The following KLHL41 variants were observed in gnomAD, a reference collection of about 807,000 sequenced individuals.
KLHL41 encodes kelch-like protein 41.
In KLHL41, 31 loss-of-function variants were observed where a neutral mutation model predicts 49.2. The observed-to-expected ratio is 0.63, with a 90% CI of 0.47 to 0.85. KLHL41 has a LOEUF of 0.85. KLHL41 is among the 40% of genes least tolerant of loss of function. The pLI, the probability that KLHL41 is intolerant of heterozygous loss-of-function variation, is 0.00. For synonymous variants in KLHL41, 218 were observed against 258.5 expected, an observed-to-expected ratio of 0.84 and a Z score of 1.50; for missense variants, 663 against 726.7, an observed-to-expected ratio of 0.91 and a Z score of 1.01.
chr2:169,510,860 A>T lies in KLHL41; in HGVS notation c.1082A>T (p.Asp361Val), dbSNP rs776170658. The change falls in exon 1 of 6, where the codon GAT (aspartate) becomes GTT (valine). Residue 361 changes from aspartate (D) to valine (V), a missense_variant. Physicochemically the swap from Asp to Val is radical, Grantham distance 152. This residue lies in a region of KLHL41 where 528 missense variants were observed against 581.0 expected (regional missense o/e 0.91). Coordinates refer to ENST00000284669, the MANE Select transcript of KLHL41 (RefSeq NM_006063.3). This position sits in a 1 kb window ranked among gnomAD's most constrained non-coding sequence, Gnocchi z 4.2. ...CTATATGTGGATGAAGAAAATAAGGATCAACCTCTACAGTCATACTTCTTC... is the reference window on the plus strand; with the variant it reads ...CTATATGTGGATGAAGAAAATAAGGTTCAACCTCTACAGTCATACTTCTTC... The part of the protein sequence containing the change: ...GGLYVDEENK[D>V]QPLQSYFFQL... 7 of 1,613,926 alleles carry T rather than the reference A, an allele frequency of 4.3e-6. No individual in the cohort carries two copies. Among genetic ancestry groups the T allele is most frequent in the Non-Finnish European group, 5.9e-6 (7 of 1,179,894 alleles).
chr2:169,522,329 G>T (rs1479855177), intron 5 of KLHL41, among the ~76,000 whole-genome samples: 1 of 151,898 alleles, frequency 6.6e-6, no homozygotes, highest in Non-Finnish European at 1.5e-5. Context: ...CTGTGTAGAG[G>T]GCAAGAAAAA....
In KLHL41 at chr2:169,509,709, C is replaced by A; in HGVS notation, c.-70C>A. 1 of 1,476,142 alleles carries A rather than the reference C, an allele frequency of 6.8e-7. No individual in the cohort carries two copies. The highest frequency in any genetic ancestry group is 9.1e-7 in the Non-Finnish European group (1 of 1,103,344). The allele number at this position is 1,476,142 out of a possible 1,614,324, so 91.4% of individuals were successfully genotyped here. ...CAAAGCACACTGATCTGCCTTTTTA[C>A]AGCTAGACCTGTGTGCTGCAAGGAG... On this transcript the variant is annotated 5_prime_UTR_variant, in exon 1 of 6. Transcript: ENST00000284669.
intron 3 of KLHL41, among the ~76,000 whole-genome samples, chr2:169,517,881 ATTT>A (rs1023387310): frequency 2.6e-5 from 4 of 152,160 alleles, no homozygotes; most frequent in Admixed American, 6.6e-5. Flanking sequence ...TTATGATTTT[ATTT>A]TTTACTCAAA....
At chr2:169,523,991 C>A (rs908378679) in intron 5 of KLHL41, among the ~76,000 whole-genome samples, 1 of 151,962 alleles carries the variant, frequency 6.6e-6, no homozygotes, top group Non-Finnish European at 1.5e-5. Context: ...ACATTCTCAA[C>A]ATAGACCCTC....
chr2:169,520,711 C>G (rs946782251), intron 4 of KLHL41, 150 bp from the exon 5 acceptor site: 1 of 604,882 alleles, frequency 1.7e-6, no homozygotes, highest in Middle Eastern at 4.4e-4. Flanking sequence ...TCTCAGCCTC[C>G]CAAAGTGCTG....
intron 1 of KLHL41, 151 bp from the exon 2 acceptor site, chr2:169,514,423 A>G (rs545688388): frequency 1.8e-6 from 1 of 556,298 alleles, no homozygotes; most frequent in African/African-American, 1.9e-5. Context: ...ATGAGCTACA[A>G]TGTGATACTT....
Position 169,526,167 on chromosome 2 carries a change from T to G in KLHL41, c.*471T>G, listed in dbSNP as rs1376628416. On this transcript the variant is annotated 3_prime_UTR_variant, in exon 6 of 6. Coordinates refer to ENST00000284669, the MANE Select transcript of KLHL41 (RefSeq NM_006063.3). ...TAAGAATTACATGCCATAAGATGAC[T>G]TCAGAAATCCTACTTCAGAAGTGTA... 1 of 152,266 alleles carries G rather than the reference T, an allele frequency of 6.6e-6. No individual in the cohort carries two copies. The highest frequency in any genetic ancestry group is 1.5e-5 in the Non-Finnish European group (1 of 68,072). 9.4% of individuals were successfully genotyped at this position (152,266 alleles called of 1,614,324 possible). A position where few individuals can be genotyped will look rare whatever the true frequency, so the allele number is the denominator to read the frequency against.
intron 1 of KLHL41, among the ~76,000 whole-genome samples, chr2:169,511,460 T>C (rs1045075048): frequency 6.6e-6 from 1 of 152,204 alleles, no homozygotes; most frequent in African/African-American, 2.4e-5. Flanking sequence ...GAAGTAATAA[T>C]TGGTCAGATT....
Position 169,514,722 on chromosome 2 carries a change from A to G in KLHL41, c.1259A>G (p.Tyr420Cys). The G allele has an allele frequency of 1.9e-6, 3 of 1,614,026 alleles. No individual in the cohort carries two copies. Among genetic ancestry groups the G allele is most frequent in the Non-Finnish European group, 2.5e-6 (3 of 1,179,968 alleles). Residue 420 changes from tyrosine (Y) to cysteine (C), a missense_variant, in exon 2 of 6, where the codon TAT becomes TGT. Tyr to Cys is a radical substitution (Grantham distance 194). This residue lies in a region of KLHL41 where 528 missense variants were observed against 581.0 expected (regional missense o/e 0.91). Transcript: ENST00000284669. Reference protein sequence around the residue: ...TEASLDSVLCYDPVAAKWNEV... With the variant: ...TEASLDSVLCCDPVAAKWNEV... ...GCTTCGCTGGATTCAGTATTATGCTATGATCCTGTGTAAGTTGGCATGATA... is the reference window on the plus strand; with the variant it reads ...GCTTCGCTGGATTCAGTATTATGCTGTGATCCTGTGTAAGTTGGCATGATA...
At chr2:169,523,015 G>A (rs1035263456) in intron 5 of KLHL41, among the ~76,000 whole-genome samples, 1 of 151,922 alleles carries the variant, frequency 6.6e-6, no homozygotes, top group Non-Finnish European at 1.5e-5. Context: ...CAGCCACCGA[G>A]CCCAGCCCCA....
At chr2:169,518,836 ATTTTTGTTTTTG>A (rs1199357911) in intron 4 of KLHL41, among the ~76,000 whole-genome samples, 5 of 151,908 alleles carry the variant, frequency 3.3e-5, no homozygotes, top group Admixed American at 1.3e-4. Flanking sequence ...TGCCCAGCTA[ATTTTTGTTTTTG>A]TTTTTGTTTT....
In KLHL41 at chr2:169,510,358, GA is replaced by G. The variant is rs1384837639; in HGVS notation, c.582del (p.Ala195GlnfsTer6). 6.2e-7 allele frequency: 1 copy of G among 1,614,140 alleles called. No individual in the cohort carries two copies. The highest frequency in any genetic ancestry group is 2.2e-5 in the East Asian group (1 of 44,888). ...TGACAGCCTAAATGTAGAAAAAGAA[GA>G]AGCAGTATTTGAGGCAGTGATGAAA... ...SNDSLNVEKE[E>X]AVFEAVMKWV... On this transcript the variant is annotated frameshift_variant, in exon 1 of 6. Coordinates refer to ENST00000284669, the MANE Select transcript of KLHL41 (RefSeq NM_006063.3). LOFTEE classifies it high-confidence loss of function. The surrounding 1 kb of genome is among the most constrained non-coding windows in gnomAD (Gnocchi z 4.2).
chr2:169,512,669 C>G (rs920436778), intron 1 of KLHL41, among the ~76,000 whole-genome samples: 1 of 152,102 alleles, frequency 6.6e-6, no homozygotes, highest in African/African-American at 2.4e-5. Flanking sequence ...GTCAGCAAAG[C>G]AAATGCCTTG....
chr2:169,525,833 T>A lies in KLHL41; in HGVS notation c.*137T>A. The stretch of plus-strand genomic sequence containing the variant: ...AAGTTATTGTCTAAGAGATGAGCAG[T>A]AGGTAAGAAAACCTCAGTCATTGAC... On this transcript the variant is annotated 3_prime_UTR_variant, in exon 6 of 6. Transcript: ENST00000284669. 1 of 517,778 alleles carries A rather than the reference T, an allele frequency of 1.9e-6. No homozygotes were observed. The highest frequency in any genetic ancestry group is 3.4e-6 in the Non-Finnish European group (1 of 292,556). 32.1% of individuals were successfully genotyped at this position (517,778 alleles called of 1,614,324 possible).
In KLHL41 at chr2:169,510,908, T is replaced by C. The variant is rs777968201; in HGVS notation, c.1110+20T>C. ...TTCCAGGTAAGAAGGACTTTTTGTA[T>C]ATGTAGTTGCTTAAAGGGAAGGCTG... On this transcript the variant is annotated intron_variant, in intron 1 of 5. Coordinates refer to ENST00000284669, the MANE Select transcript of KLHL41 (RefSeq NM_006063.3). The surrounding 1 kb of genome is among the most constrained non-coding windows in gnomAD (Gnocchi z 4.2). 1.3e-5 allele frequency: 20 copies of C among 1,596,444 alleles called. No homozygotes were observed. The Admixed American group carries it at 3.4e-4, about 27-fold the overall frequency.
rs1339294290 is a variant in KLHL41, at chr2:169,510,002, T to C, written c.224T>C (p.Val75Ala). 1 of 1,614,218 alleles carries C rather than the reference T, an allele frequency of 6.2e-7. No homozygotes were observed. The change falls in exon 1 of 6, where the codon GTG (valine) becomes GCG (alanine). Residue 75 changes from valine to alanine, a missense_variant. Physicochemically the swap from Val to Ala is moderately conservative, Grantham distance 64. Transcript: ENST00000284669. This position sits in a 1 kb window ranked among gnomAD's most constrained non-coding sequence, Gnocchi z 4.2. ...EIDEAKKKEV[V>A]LDNVDPAILD... is the part of the protein sequence containing the mutation. The stretch of plus-strand genomic sequence containing the variant: ...GATGAGGCGAAAAAAAAGGAGGTAG[T>C]GCTAGACAATGTGGATCCTGCTATA...
intron 1 of KLHL41, among the ~76,000 whole-genome samples, chr2:169,512,148 T>C (rs1684037344): frequency 6.6e-6 from 1 of 152,220 alleles, no homozygotes; most frequent in Non-Finnish European, 1.5e-5. Context: ...TAATCAACTT[T>C]TTCTAATCTT....
Position 169,514,952 on chromosome 2 carries a change from C to T in KLHL41, c.1367C>T (p.Thr456Ile). ...KGMIYCLGGKTDDKKCTNRVF... is the reference protein window; with the variant it reads ...KGMIYCLGGKIDDKKCTNRVF... The stretch of plus-strand genomic sequence containing the variant: ...ATGATATATTGTCTAGGAGGAAAGA[C>T]AGATGACAAGTAAGTACCCTGAACT... Residue 456 changes from threonine to isoleucine, a missense_variant, in exon 3 of 6, where the codon ACA becomes ATA. Physicochemically the swap from Thr to Ile is moderately conservative, Grantham distance 89. Coordinates refer to ENST00000284669, the MANE Select transcript of KLHL41 (RefSeq NM_006063.3). The T allele has an allele frequency of 6.3e-7, 1 of 1,587,406 alleles. No individual in the cohort carries two copies. The highest frequency in any genetic ancestry group is 8.6e-7 in the Non-Finnish European group (1 of 1,162,452).
At chr2:169,522,039 C>G (rs1410246577) in intron 5 of KLHL41, among the ~76,000 whole-genome samples, 1 of 151,168 alleles carries the variant, frequency 6.6e-6, no homozygotes, top group Non-Finnish European at 1.5e-5. Flanking sequence ...AATCCCAGAC[C>G]CTACTGAATG....
Sources: allele counts gnomAD v4.1 joint callset (sites outside exome capture counted in the v4.1 genomes callset), GRCh38; gene constraint gnomAD v4.1.1; regional missense constraint gnomAD v4.1.1; non-coding constraint Gnocchi (gnomAD v3.1); transcripts MANE v1.5; gene names NCBI Gene and HGNC (gene_info 2026-07-23, HGNC 2026-07-21).